The following CDKN3 variants were observed in gnomAD, a reference collection of about 807,000 sequenced individuals.
CDKN3 encodes the protein cyclin-dependent kinase inhibitor 3.
In CDKN3, 19 loss-of-function variants were observed where a neutral mutation model predicts 36.1. That is an observed-to-expected ratio of 0.53 (90% CI 0.37 to 0.77). CDKN3 has a LOEUF of 0.77. CDKN3 is among the 30% of genes least tolerant of loss of function. CDKN3 has a pLI of 0.00. For synonymous variants in CDKN3, 71 were observed against 85.3 expected (o/e 0.83, Z 0.92); for missense variants, 188 against 248.6 (o/e 0.76, Z 1.64).
chr14:54,413,065 A>C (rs1003792157), intron 5 of CDKN3, among the ~76,000 whole-genome samples: 1 of 152,250 alleles, frequency 6.6e-6, no homozygotes, highest in African/African-American at 2.4e-5. Flanking sequence ...CTTTGGGGAC[A>C]CACACCTGTT....
intron 5 of CDKN3, among the ~76,000 whole-genome samples, chr14:54,412,294 G>A (rs1163617561): frequency 1.1e-4 from 16 of 151,884 alleles, no homozygotes; most frequent in Non-Finnish European, 2.1e-4. Context: ...ATGAGGTGGG[G>A]GAACTGCTTG....
At chr14:54,412,433 A>G (rs1004046701) in intron 5 of CDKN3, among the ~76,000 whole-genome samples, 5 of 152,194 alleles carry the variant, frequency 3.3e-5, no homozygotes, top group African/African-American at 1.2e-4. Flanking sequence ...CTACCAAAAA[A>G]GTTACCTCTA....
At position 54,401,528 on chromosome 14, in the gene CDKN3, T is replaced by A; in HGVS notation, c.97T>A (p.Ser33Thr). Residue 33 changes from serine to threonine, a missense_variant, in exon 3 of 8, where the codon TCT becomes ACT. Ser to Thr is a moderately conservative substitution (Grantham distance 58, BLOSUM62 1). Transcript: ENST00000335183. ...EQTPIHISWL[S>T]LSRVNCSQFL... ...AAAAATTTTTCTTCTTTTCAGGCTATCTTTGTCACGAGTGAATTGTTCTCA... is the reference window on the plus strand; with the variant it reads ...AAAAATTTTTCTTCTTTTCAGGCTAACTTTGTCACGAGTGAATTGTTCTCA... 1 of 1,609,318 alleles carries A rather than the reference T, an allele frequency of 6.2e-7. No homozygotes were observed. The highest frequency in any genetic ancestry group is 2.2e-5 in the East Asian group (1 of 44,748).
chr14:54,417,056 C>T lies in CDKN3; in HGVS notation c.449-792C>T, dbSNP rs1013159761. On this transcript the variant is annotated intron_variant, in intron 6 of 7. Coordinates refer to ENST00000335183, the MANE Select transcript of CDKN3 (RefSeq NM_005192.4). The stretch of plus-strand genomic sequence containing the variant: ...GTATTGGCAAGGATGTAGAGAAATT[C>T]GAACCCTCATACACTGTTGGTGGGA... Among the ~76,000 whole-genome samples the T allele has an allele frequency of 2.6e-5, 4 of 152,122 alleles. No homozygotes were observed. The South Asian group carries it at 6.2e-4, about 24-fold the overall frequency.
intron 1 of CDKN3, among the ~76,000 whole-genome samples, chr14:54,397,792 G>T (rs1467569522): frequency 3.3e-5 from 5 of 152,216 alleles, no homozygotes; most frequent in African/African-American, 1.2e-4. Flanking sequence ...CCTTTCCTTT[G>T]GGTGCAGTTG....
chr14:54,419,863 C>T (rs111990820), intron 7 of CDKN3, 129 bp from the exon 8 acceptor site: 7 of 556,552 alleles, frequency 1.3e-5, no homozygotes, highest in African/African-American at 9.6e-5. Flanking sequence ...GCAAATGCTT[C>T]CTTACCCAAA....
intron 3 of CDKN3, among the ~76,000 whole-genome samples, chr14:54,406,511 CAT>C (rs767013491): frequency 6.6e-6 from 1 of 152,102 alleles, no homozygotes; most frequent in Admixed American, 6.5e-5. Context: ...CACATTGTCC[CAT>C]ATTTTTGGAG....
At chr14:54,403,523 C>G (rs1464908661) in intron 3 of CDKN3, among the ~76,000 whole-genome samples, 1 of 152,196 alleles carries the variant, frequency 6.6e-6, no homozygotes, top group Non-Finnish European at 1.5e-5. Context: ...TATTTGAATA[C>G]TCTTTATTTC....
chr14:54,419,093 G>A (rs952637087), intron 7 of CDKN3, among the ~76,000 whole-genome samples: 6 of 151,376 alleles, frequency 4.0e-5, no homozygotes, highest in Non-Finnish European at 7.4e-5. Flanking sequence ...GGGAGGCAGA[G>A]GTTGCAGTGA....
At chr14:54,398,733 G>A (rs1048422372) in intron 1 of CDKN3, among the ~76,000 whole-genome samples, 7 of 152,086 alleles carry the variant, frequency 4.6e-5, no homozygotes, top group Non-Finnish European at 8.8e-5. Flanking sequence ...AAATGCTGCA[G>A]GATTAAGTTC....
chr14:54,407,078 T>C (rs1410350079), intron 3 of CDKN3, among the ~76,000 whole-genome samples: 1 of 152,224 alleles, frequency 6.6e-6, no homozygotes, highest in African/African-American at 2.4e-5. Context: ...TGTTTGTTAG[T>C]TTTCCTTGTA....
chr14:54,419,900 AT>A (rs530084503), intron 7 of CDKN3, 91 bp from the exon 8 acceptor site: 907 of 684,448 alleles, frequency 1.3e-3, no homozygotes, highest in South Asian at 2.1e-3. Flanking sequence ...CTTAGCAAGT[AT>A]TTTTTTTTAT....
Position 54,402,310 on chromosome 14 carries a change from G to A in CDKN3, c.148+731G>A, listed in dbSNP as rs554871514. 9.9e-3 allele frequency among the ~76,000 whole-genome samples: 153 copies of A among 15,416 alleles called. 2 individuals carry two copies. In the South Asian group the frequency reaches 0.17, roughly 18 times the overall value. 10.1% of individuals were successfully genotyped at this position (15,416 alleles called of 152,430 possible). On this transcript the variant is annotated intron_variant, in intron 3 of 7. Transcript: ENST00000335183. Reference sequence around the variant, plus strand: ...GTAGTATTCCATGGCATGTGTGTGCGTGTGTGTGTGTGTGTGTGTGTGTGT... The same window carrying A: ...GTAGTATTCCATGGCATGTGTGTGCATGTGTGTGTGTGTGTGTGTGTGTGT...
In CDKN3 at chr14:54,399,921, G is replaced by T; in HGVS notation, c.37G>T (p.Asp13Tyr). 1 of 1,579,240 alleles carries T rather than the reference G, an allele frequency of 6.3e-7. No individual in the cohort carries two copies. The highest frequency in any genetic ancestry group is 1.1e-5 in the South Asian group (1 of 90,314). The part of the protein sequence containing the change: ...PPSSIQTSEF[D>Y]SSDEEPIEDE... ...CAGTTCAATACAAACAAGTGAGTTT[G>T]ACTCATCAGATGAAGAGCCTATTGA... The change falls in exon 2 of 8, where the codon GAC becomes TAC. Residue 13 changes from aspartate to tyrosine, a missense_variant. Transcript: ENST00000335183.
At chr14:54,403,176 C>G (rs1241568387) in intron 3 of CDKN3, among the ~76,000 whole-genome samples, 1 of 152,168 alleles carries the variant, frequency 6.6e-6, no homozygotes. Context: ...TTCTTCCTAT[C>G]CATGAGCATG....
chr14:54,400,019 C>A, intron 2 of CDKN3, 43 bp downstream of exon 2: 1 of 890,202 alleles, frequency 1.1e-6, no homozygotes, highest in Non-Finnish European at 1.9e-6. Context: ...AAATCACAAT[C>A]TACATCATAA....
rs147857911 is a variant in CDKN3, at chr14:54,406,887, C to T, written c.149-1858C>T. 5.9e-3 allele frequency among the ~76,000 whole-genome samples: 890 copies of T among 152,114 alleles called. 6 individuals are homozygous for T. The highest frequency in any genetic ancestry group is 0.02 in the African/African-American group (846 of 41,492). The stretch of plus-strand genomic sequence containing the variant: ...CTGTCCAGTTTTGTTCCCTTGCTGG[C>T]GAGGAGTTGTGATCCTTTGGAGGAG... On this transcript the variant is annotated intron_variant, in intron 3 of 7. Transcript: ENST00000335183.
At chr14:54,404,331 T>C (rs1048828361) in intron 3 of CDKN3, among the ~76,000 whole-genome samples, 2 of 152,182 alleles carry the variant, frequency 1.3e-5, no homozygotes, top group Non-Finnish European at 2.9e-5. Context: ...TTCTAGTTTA[T>C]TTTTGTAGAG....
intron 1 of CDKN3, 129 bp downstream of exon 1, chr14:54,397,206 G>C: frequency 9.1e-7 from 1 of 1,094,710 alleles, no homozygotes; most frequent in East Asian, 3.2e-5. Flanking sequence ...ACCGTTCTGC[G>C]GGTCGGGGAG....
Sources: gnomAD v4.1 joint callset for allele counts (sites outside exome capture counted in the v4.1 genomes callset) on GRCh38, gnomAD v4.1.1 for gene constraint, MANE v1.5 for transcripts, NCBI Gene and HGNC (gene_info 2026-07-23, HGNC 2026-07-21) for gene names.